Variants in TMEM132C observed in about 807,000 individuals in gnomAD.
TMEM132C encodes protein phosphatase 1, regulatory subunit 152.
A neutral mutation model predicts 61.4 loss-of-function variants in TMEM132C; 29 were observed. That is an observed-to-expected ratio of 0.47 (90% CI 0.35 to 0.64). TMEM132C has a LOEUF of 0.64. TMEM132C is among the 30% of genes least tolerant of loss of function. The pLI is 0.00. For synonymous variants in TMEM132C, 656 were observed against 633.1 expected, an observed-to-expected ratio of 1.04 and a Z score of -0.54; for missense variants, 1,408 against 1,476.9, an observed-to-expected ratio of 0.95 and a Z score of 0.76.
At chr12:128,292,988 A>C (rs1489159591) in intron 1 of TMEM132C, among the ~76,000 whole-genome samples, 2 of 149,210 alleles carry the variant, frequency 1.3e-5, no homozygotes, top group Non-Finnish European at 1.5e-5. Context: ...ACGAGCACCA[A>C]CTTGTGTTGT....
chr12:128,581,089 T>G (rs1875317696), intron 3 of TMEM132C, among the ~76,000 whole-genome samples: 1 of 152,082 alleles, frequency 6.6e-6, no homozygotes, highest in Non-Finnish European at 1.5e-5. Context: ...AAAAGGGAGC[T>G]AGAGCTGCAG....
Position 128,326,320 on chromosome 12 carries a change from A to G in TMEM132C, c.85+58833A>G, listed in dbSNP as rs1872516040. On this transcript the variant is annotated intron_variant, in intron 1 of 8. Coordinates refer to ENST00000435159, the MANE Select transcript of TMEM132C (RefSeq NM_001136103.3). This position sits in a 1 kb window ranked among gnomAD's most constrained non-coding sequence, Gnocchi z 5.6. Reference sequence around the variant, plus strand: ...CTCTTCTCCGTGTCCGATTCTCTGGATATGAGAGTGTTGTTTTCCAAGTGT... The same window carrying G: ...CTCTTCTCCGTGTCCGATTCTCTGGGTATGAGAGTGTTGTTTTCCAAGTGT... Among the ~76,000 whole-genome samples, 1 of 152,102 alleles carries G rather than the reference A, an allele frequency of 6.6e-6. No individual in the cohort carries two copies.
intron 1 of TMEM132C, among the ~76,000 whole-genome samples, chr12:128,383,629 G>C (rs549646494): frequency 2.3e-4 from 35 of 152,264 alleles, no homozygotes; most frequent in African/African-American, 8.2e-4. Flanking sequence ...CCCCCAGGGG[G>C]TTTCTATTTC....
chr12:128,385,489 A>G (rs948200502), intron 1 of TMEM132C, among the ~76,000 whole-genome samples: 2 of 152,344 alleles, frequency 1.3e-5, no homozygotes, highest in African/African-American at 4.8e-5. Context: ...TACATGGCAC[A>G]TGATGATCAC....
chr12:128,391,380 G>A lies in TMEM132C; in HGVS notation c.86-23352G>A, dbSNP rs565002986. ...CTCACTGTGGTGGGATGGAAGAGGC[G>A]TCCCTGACTCCCTCCTTTGCACGTG... On this transcript the variant is annotated intron_variant, in intron 1 of 8. Coordinates refer to ENST00000435159, the MANE Select transcript of TMEM132C (RefSeq NM_001136103.3). 2.6e-5 allele frequency among the ~76,000 whole-genome samples: 4 copies of A among 152,260 alleles called. No individual in the cohort carries two copies. The South Asian group carries it at 6.2e-4, about 24-fold the overall frequency.
chr12:128,615,028 C>T (rs1312231815), intron 3 of TMEM132C, among the ~76,000 whole-genome samples: 2 of 152,258 alleles, frequency 1.3e-5, no homozygotes, highest in Admixed American at 6.5e-5. Context: ...AAAACCCCAA[C>T]TGCCTTCCTG....
intron 4 of TMEM132C, among the ~76,000 whole-genome samples, chr12:128,619,942 T>C (rs562378088): frequency 6.6e-6 from 1 of 152,144 alleles, no homozygotes; most frequent in Admixed American, 6.5e-5. Context: ...TAAGAATAAA[T>C]GGACAAGGCC....
At chr12:128,653,376 T>C (rs1424683663) in intron 4 of TMEM132C, among the ~76,000 whole-genome samples, 1 of 152,220 alleles carries the variant, frequency 6.6e-6, no homozygotes, top group Non-Finnish European at 1.5e-5. Context: ...ATGCTTTAAA[T>C]GTGTGCATCG....
intron 2 of TMEM132C, among the ~76,000 whole-genome samples, chr12:128,461,157 C>T (rs546060520): frequency 2.6e-5 from 4 of 152,152 alleles, no homozygotes; most frequent in Non-Finnish European, 4.4e-5. Context: ...TCAAAGTTTG[C>T]TCCTGGCAGC....
chr12:128,510,908 C>T (rs7136387), intron 2 of TMEM132C, among the ~76,000 whole-genome samples: 3,611 of 152,308 alleles, frequency 0.024, 151 homozygotes, highest in African/African-American at 0.08. Context: ...GCCTGCAATG[C>T]GATGCTGTGT....
chr12:128,554,919 G>A (rs1359045961), intron 3 of TMEM132C, among the ~76,000 whole-genome samples: 2 of 152,166 alleles, frequency 1.3e-5, no homozygotes, highest in East Asian at 1.9e-4. Flanking sequence ...TGATGGGGTG[G>A]TCTCTGGGCC....
In TMEM132C at chr12:128,541,529, A is replaced by G. The variant is rs78919657; in HGVS notation, c.975-2428A>G. ...CAGCCACCAGTCACCTCCTTAGTGC[A>G]CAAGAAGACATCACTATTCCCAGGA... On this transcript the variant is annotated intron_variant, in intron 2 of 8. Coordinates refer to ENST00000435159, the MANE Select transcript of TMEM132C (RefSeq NM_001136103.3). Among the ~76,000 whole-genome samples the G allele has an allele frequency of 6.0e-3, 919 of 152,282 alleles. 2 individuals carry two copies. Among genetic ancestry groups the G allele is most frequent in the Middle Eastern group, 0.01 (3 of 294 alleles).
intron 5 of TMEM132C, among the ~76,000 whole-genome samples, chr12:128,679,625 T>C (rs1307449208): frequency 6.6e-6 from 1 of 152,204 alleles, no homozygotes; most frequent in Admixed American, 6.5e-5. Context: ...ACAGCCATAG[T>C]CTTTACAGTC....
chr12:128,690,345 C>T (rs1954710621), intron 5 of TMEM132C, among the ~76,000 whole-genome samples: 1 of 152,112 alleles, frequency 6.6e-6, no homozygotes. Flanking sequence ...GATGAGTGGG[C>T]TCACTTTTTC....
intron 3 of TMEM132C, among the ~76,000 whole-genome samples, chr12:128,602,873 A>G (rs930330021): frequency 2.6e-5 from 4 of 152,240 alleles, no homozygotes; most frequent in Non-Finnish European, 4.4e-5. Context: ...AGCAAAGTGC[A>G]GAGGAGACTT....
chr12:128,510,529 C>G (rs1284594120), intron 2 of TMEM132C, among the ~76,000 whole-genome samples: 1 of 152,206 alleles, frequency 6.6e-6, no homozygotes, highest in South Asian at 2.1e-4. Flanking sequence ...TGACTTCACC[C>G]CCTGCATTTT....
rs181802281 is a variant in TMEM132C at position 128,609,284 on chromosome 12, A to C, written c.1122-6868A>C. ...CAAGTTACCCCCACCTCCCTGCAAC[A>C]CTGTAGCCCCCGCCTCCCTGCAACC... is the stretch of plus-strand genomic sequence containing the variant. On this transcript the variant is annotated intron_variant, in intron 3 of 8. Transcript: ENST00000435159. 2.8e-4 allele frequency among the ~76,000 whole-genome samples: 26 copies of C among 92,022 alleles called. 3 individuals carry two copies. Among genetic ancestry groups the C allele is most frequent in the African/African-American group, 1.2e-3 (21 of 18,010 alleles). The allele number at this position is 92,022 out of a possible 152,430, so 60.4% of individuals were successfully genotyped here. A position where few individuals can be genotyped will look rare whatever the true frequency, so the allele number is the denominator to read the frequency against.
chr12:128,453,069 A>C (rs764538303), intron 2 of TMEM132C, among the ~76,000 whole-genome samples: 9 of 152,214 alleles, frequency 5.9e-5, no homozygotes, highest in Non-Finnish European at 8.8e-5. Flanking sequence ...TTCCAAAAAT[A>C]ATAACTGAAG....
chr12:128,696,149 C>A, intron 7 of TMEM132C, 46 bp downstream of exon 7: 1 of 1,532,076 alleles, frequency 6.5e-7, no homozygotes, highest in Non-Finnish European at 8.8e-7. Context: ...GGCATGTGTG[C>A]AGTGTTGAGG....
Sources: gnomAD v4.1 joint callset for allele counts (sites outside exome capture counted in the v4.1 genomes callset) on GRCh38, gnomAD v4.1.1 for gene constraint, Gnocchi (gnomAD v3.1) non-coding constraint, MANE v1.5 for transcripts, NCBI Gene and HGNC (gene_info 2026-07-23, HGNC 2026-07-21) for gene names.